AVEN: variants seen among roughly 807,000 people sequenced by gnomAD.
AVEN encodes apoptosis and caspase activation inhibitor.
A neutral mutation model predicts 38.1 loss-of-function variants in AVEN; 41 were observed. That is an observed-to-expected ratio of 1.08 (90% CI 0.84 to 1.40). The LOEUF (loss-of-function observed/expected upper bound fraction) is 1.40, where lower values mean the gene tolerates loss of function less well. Among genes scored for constraint, AVEN ranks in the 40% most tolerant of loss-of-function variants. The pLI is 0.00. For missense variants in AVEN, 605 were observed against 438.8 expected (o/e 1.38, Z -3.38); for synonymous variants, 206 against 171.8 (o/e 1.20, Z -1.56).
chr15:34,073,989 C>CTTTT (rs5811818), intron 1 of AVEN, among the ~76,000 whole-genome samples: 607 of 31,400 alleles, frequency 0.019, 47 homozygotes, highest in South Asian at 0.041. Flanking sequence ...TCTTCTTCTT[C>CTTTT]TTTTTTTTTT....
intron 2 of AVEN, among the ~76,000 whole-genome samples, chr15:33,925,569 G>A (rs942561143): frequency 3.9e-5 from 6 of 152,170 alleles, no homozygotes; most frequent in Non-Finnish European, 8.8e-5. Context: ...CAGGTGTGCC[G>A]GTTAATGGCT....
rs1897419927 is a variant in AVEN at position 34,007,757 on chromosome 15, T to C, written c.268-4548A>G. On this transcript the variant is annotated intron_variant, in intron 1 of 5. Transcript: ENST00000306730. ...CAGAAATGTTTTTCTCTCTCAGTTC[T>C]GGAGGCTAGAAATCTGAAATCTGGG... Among the ~76,000 whole-genome samples, 4 of 152,218 alleles carry C rather than the reference T, an allele frequency of 2.6e-5. No homozygotes were observed. The South Asian group carries it at 8.3e-4, about 32-fold the overall frequency.
chr15:33,866,640 T>G lies in AVEN; in HGVS notation c.1062A>C (p.Glu354Asp). 1 of 1,614,090 alleles carries G rather than the reference T, an allele frequency of 6.2e-7. No individual in the cohort carries two copies. Among genetic ancestry groups the G allele is most frequent in the East Asian group, 2.2e-5 (1 of 44,882 alleles). Reference sequence around the variant, plus strand: ...AGGAAATCATGCTGTCCAACCAGTCTTCCAGCTCTTCCTCGGTAACATTTT... The same window carrying G: ...AGGAAATCATGCTGTCCAACCAGTCGTCCAGCTCTTCCTCGGTAACATTTT... ...TSKNVTEEEL[E>D]DWLDSMIS Residue 354 changes from glutamate (E) to aspartate (D), a missense_variant, in exon 6 of 6, where the codon GAA becomes GAC. Physicochemically the swap from Glu to Asp is conservative, Grantham distance 45. Coordinates refer to ENST00000306730, the MANE Select transcript of AVEN (RefSeq NM_020371.3).
chr15:33,896,135 AT>A (rs1483045957), intron 2 of AVEN, among the ~76,000 whole-genome samples: 2 of 152,240 alleles, frequency 1.3e-5, no homozygotes, highest in Non-Finnish European at 2.9e-5. Flanking sequence ...TAAAAACTAC[AT>A]AGTATTTATA....
intron 2 of AVEN, among the ~76,000 whole-genome samples, chr15:33,963,367 CA>C: frequency 6.6e-6 from 1 of 152,172 alleles, no homozygotes; most frequent in South Asian, 2.1e-4. Context: ...TGATATAAAG[CA>C]AAATGGAAAT....
chr15:34,053,319 A>AAATATATATATAT (rs775436850), intron 5 of AVEN, among the ~76,000 whole-genome samples: 7 of 42,066 alleles, frequency 1.7e-4, no homozygotes, highest in African/African-American at 5.6e-4. Flanking sequence ...AAAAAAAAAA[A>AAATATATATATAT]ATATATATAT....
chr15:33,928,324 A>C (rs185701994), intron 2 of AVEN, among the ~76,000 whole-genome samples: 319 of 152,338 alleles, frequency 2.1e-3, no homozygotes, highest in Non-Finnish European at 2.9e-3. Flanking sequence ...ATTATGAAAG[A>C]AACTTGAGAA....
chr15:33,886,806 T>G (rs187226300), intron 2 of AVEN, among the ~76,000 whole-genome samples: 108 of 152,292 alleles, frequency 7.1e-4, no homozygotes, highest in African/African-American at 2.5e-3. Context: ...GTCAACTAAA[T>G]GAAGTACAGA....
chr15:33,893,299 G>C (rs1229846733), intron 2 of AVEN, among the ~76,000 whole-genome samples: 1 of 152,190 alleles, frequency 6.6e-6, no homozygotes, highest in Non-Finnish European at 1.5e-5. Context: ...TCTTGTGCCA[G>C]TTTTCAAAGG....
intron 1 of AVEN, among the ~76,000 whole-genome samples, chr15:34,071,472 C>T (rs975595832): frequency 1.3e-5 from 2 of 151,976 alleles, no homozygotes; most frequent in African/African-American, 4.8e-5. Flanking sequence ...GATGTGGTCT[C>T]TCTATGTTGC....
intron 2 of AVEN, among the ~76,000 whole-genome samples, chr15:33,957,704 C>A (rs1325614129): frequency 1.4e-5 from 2 of 146,074 alleles, no homozygotes; most frequent in African/African-American, 2.6e-5. Context: ...AGGGGAATCT[C>A]AAAATCATTA....
At chr15:33,901,247 A>G (rs1389070510) in intron 2 of AVEN, among the ~76,000 whole-genome samples, 1 of 152,208 alleles carries the variant, frequency 6.6e-6, no homozygotes, top group African/African-American at 2.4e-5. Flanking sequence ...AGCCTGGGCG[A>G]CAGAGCAAGA....
chr15:33,975,528 C>CA (rs1430919505), intron 2 of AVEN, among the ~76,000 whole-genome samples: 1 of 152,130 alleles, frequency 6.6e-6, no homozygotes, highest in East Asian at 1.9e-4. Context: ...CTAAAATTAA[C>CA]AAAATCTCAA....
intron 5 of AVEN, among the ~76,000 whole-genome samples, chr15:34,052,290 T>A (rs572251924): frequency 4.4e-4 from 67 of 151,978 alleles, no homozygotes; most frequent in Middle Eastern, 3.4e-3. Flanking sequence ...TTTGAAAAAA[T>A]TTAAATCCCT....
At chr15:33,921,650 C>G (rs1893398373) in intron 2 of AVEN, among the ~76,000 whole-genome samples, 3 of 152,150 alleles carry the variant, frequency 2.0e-5, no homozygotes, top group Admixed American at 1.3e-4. Context: ...AGAGTGGCAA[C>G]AAGAATATTT....
chr15:33,864,183 G>A (rs758219464), downstream of AVEN: 28 of 1,610,678 alleles, frequency 1.7e-5, no homozygotes, highest in African/African-American at 1.7e-4. Flanking sequence ...CAGAGCACAC[G>A]GGTCAGGTGA....
At position 33,866,580 on chromosome 15, in the gene AVEN, C is replaced by T. The variant is rs780446840; in HGVS notation, c.*33G>A. ...TGCCCACCTGCCGTTAGAAGGCAAC[C>T]AAGATTTGCTTCAGGCACTTTTTTT... On this transcript the variant is annotated 3_prime_UTR_variant, in exon 6 of 6. Transcript: ENST00000306730. 26 of 1,564,830 alleles carry T rather than the reference C, an allele frequency of 1.7e-5. No individual in the cohort carries two copies. The highest frequency in any genetic ancestry group is 2.1e-5 in the Non-Finnish European group (24 of 1,136,892).
intron 3 of AVEN, among the ~76,000 whole-genome samples, chr15:33,873,066 G>A (rs913003473): frequency 1.4e-5 from 2 of 142,134 alleles, no homozygotes; most frequent in South Asian, 4.8e-4. Context: ...TAACTGCAAA[G>A]ACAAAACATA....
At chr15:33,994,191 A>G (rs1896843909) in intron 2 of AVEN, among the ~76,000 whole-genome samples, 1 of 152,212 alleles carries the variant, frequency 6.6e-6, no homozygotes, top group Non-Finnish European at 1.5e-5. Flanking sequence ...TACTGCTTGC[A>G]TTAGTGCCTG....
Sources: gnomAD v4.1 joint callset for allele counts (sites outside exome capture counted in the v4.1 genomes callset) on GRCh38, gnomAD v4.1.1 for gene constraint, MANE v1.5 for transcripts, NCBI Gene and HGNC (gene_info 2026-07-23, HGNC 2026-07-21) for gene names.